The following TTC27 variants were observed in gnomAD, a reference collection of about 807,000 sequenced individuals.
TTC27 encodes tetratricopeptide repeat protein 27.
TTC27 carries 79 observed loss-of-function variants against 115.9 expected under a neutral mutation model. That is an observed-to-expected ratio of 0.68 (90% confidence interval 0.57 to 0.82). The LOEUF is 0.82. Ranked by LOEUF, TTC27 falls within the 40% of genes least tolerant of loss-of-function variation. TTC27 has a pLI of 0.00. For synonymous variants in TTC27, 401 were observed against 356.0 expected (o/e 1.13, Z -1.42); for missense variants, 1,054 against 993.1 (o/e 1.06, Z -0.82).
intron 10 of TTC27, among the ~76,000 whole-genome samples, chr2:32,733,625 A>G (rs1427550665): frequency 1.3e-5 from 2 of 152,222 alleles, no homozygotes; most frequent in Admixed American, 1.3e-4. Flanking sequence ...TTTAATGTAC[A>G]TGTTTATGTA....
intron 9 of TTC27, among the ~76,000 whole-genome samples, chr2:32,686,980 G>T (rs1666653923): frequency 6.6e-6 from 1 of 152,062 alleles, no homozygotes; most frequent in Non-Finnish European, 1.5e-5. Flanking sequence ...GAGTACCTGG[G>T]ATTACAGGCA....
chr2:32,630,222 A>G (rs528014691), intron 1 of TTC27, among the ~76,000 whole-genome samples: 178 of 152,338 alleles, frequency 1.2e-3, no homozygotes, highest in South Asian at 3.3e-3. Flanking sequence ...TATTGTCAGT[A>G]GGAATCTTTG....
chr2:32,809,437 C>G (rs539755183), intron 16 of TTC27, among the ~76,000 whole-genome samples: 1 of 152,346 alleles, frequency 6.6e-6, no homozygotes, highest in Admixed American at 6.5e-5. Context: ...AGCCTTGCTT[C>G]TCGAAGTGTG....
chr2:32,777,030 A>G (rs1002437063), intron 13 of TTC27, among the ~76,000 whole-genome samples: 3 of 152,092 alleles, frequency 2.0e-5, no homozygotes. Context: ...TGTTTTCTAA[A>G]TCTCAGTGTT....
chr2:32,698,762 G>T (rs1410884297), intron 9 of TTC27, among the ~76,000 whole-genome samples: 1 of 152,140 alleles, frequency 6.6e-6, no homozygotes, highest in Admixed American at 6.5e-5. Flanking sequence ...TTACAGGCGT[G>T]AGCCACTGCG....
intron 8 of TTC27, among the ~76,000 whole-genome samples, chr2:32,673,427 G>A (rs1359509681): frequency 3.3e-5 from 5 of 151,720 alleles, no homozygotes; most frequent in African/African-American, 7.3e-5. Flanking sequence ...GGGTTTCGCC[G>A]TGCTTTCCAG....
intron 7 of TTC27, among the ~76,000 whole-genome samples, chr2:32,667,475 G>A (rs1258591274): frequency 2.1e-5 from 3 of 145,846 alleles, no homozygotes; most frequent in Admixed American, 1.4e-4. Context: ...GGAGTGTAGT[G>A]GCGTAATCTC....
chr2:32,723,728 C>CTCCCTCCCTCCGTCCTTCCTTCCT lies in TTC27; in HGVS notation c.1234-10097_1234-10096insCTCCCTCCGTCCTTCCTTCCTTCC, dbSNP rs1454826952. 5.4e-3 allele frequency among the ~76,000 whole-genome samples: 159 copies of CTCCCTCCCTCCGTCCTTCCTTCCT among 29,530 alleles called. 14 individuals are homozygous for CTCCCTCCCTCCGTCCTTCCTTCCT. Among genetic ancestry groups the CTCCCTCCCTCCGTCCTTCCTTCCT allele is most frequent in the African/African-American group, 0.024 (142 of 5,838 alleles). 19.4% of individuals were successfully genotyped at this position (29,530 alleles called of 152,430 possible). ...CCTCCCTCCCTCCCTCCCTCCCTCC[C>CTCCCTCCCTCCGTCCTTCCTTCCT]TCCTTCCTTCCTTCCTTCCTTCCTT... On this transcript the variant is annotated intron_variant, in intron 10 of 19. Coordinates refer to ENST00000317907, the MANE Select transcript of TTC27 (RefSeq NM_017735.5).
At chr2:32,791,930 C>T (rs1480332118) in intron 16 of TTC27, among the ~76,000 whole-genome samples, 1 of 152,152 alleles carries the variant, frequency 6.6e-6, no homozygotes, top group Non-Finnish European at 1.5e-5. Flanking sequence ...ATAATTTTAA[C>T]TACATGTATT....
chr2:32,680,439 T>C (rs1666379139), intron 9 of TTC27, among the ~76,000 whole-genome samples: 1 of 152,182 alleles, frequency 6.6e-6, no homozygotes, highest in South Asian at 2.1e-4. Context: ...GAGAACCAGC[T>C]ATTTCACAGA....
At chr2:32,648,427 G>C (rs1346396010) in intron 4 of TTC27, among the ~76,000 whole-genome samples, 1 of 140,322 alleles carries the variant, frequency 7.1e-6, no homozygotes, top group Non-Finnish European at 1.5e-5. Flanking sequence ...ACTGCACCTG[G>C]CACCCCCCCT....
intron 9 of TTC27, among the ~76,000 whole-genome samples, chr2:32,684,737 A>G (rs950260957): frequency 1.3e-5 from 2 of 152,122 alleles, no homozygotes; most frequent in South Asian, 4.1e-4. Flanking sequence ...GATAGGCAAT[A>G]TAACTATTAG....
chr2:32,709,212 G>C (rs1667490107), intron 10 of TTC27, among the ~76,000 whole-genome samples: 1 of 152,122 alleles, frequency 6.6e-6, no homozygotes, highest in Admixed American at 6.5e-5. Context: ...CCCTCCAAGA[G>C]GTAGAGATTA....
chr2:32,739,294 A>G (rs989264474), intron 12 of TTC27, among the ~76,000 whole-genome samples: 2 of 152,196 alleles, frequency 1.3e-5, no homozygotes, highest in Non-Finnish European at 2.9e-5. Context: ...TGAAATAATA[A>G]TATTTGAAAT....
In TTC27 at chr2:32,640,016, C is replaced by CAAAAACA. The variant is rs1180574256; in HGVS notation, c.397-250_397-244dup. On this transcript the variant is annotated intron_variant, in intron 3 of 19. Transcript: ENST00000317907. Reference sequence around the variant, plus strand: ...TCCCATCTCAAAACAAAAACAAAAACAAAAACAAAACACCAAAAACCCAAA... The same window carrying CAAAAACA: ...TCCCATCTCAAAACAAAAACAAAAACAAAAACAAAAAACAAAACACCAAAAACCCAAA... Among the ~76,000 whole-genome samples the CAAAAACA allele has an allele frequency of 2.0e-5, 3 of 151,966 alleles. No individual in the cohort carries two copies. The East Asian group carries it at 5.8e-4, about 29-fold the overall frequency.
At chr2:32,747,813 G>A (rs1668879916) in intron 12 of TTC27, among the ~76,000 whole-genome samples, 1 of 152,082 alleles carries the variant, frequency 6.6e-6, no homozygotes, top group Admixed American at 6.5e-5. Context: ...GGATACCTGG[G>A]GAGTATAGTA....
chr2:32,766,911 G>A (rs558557031), intron 13 of TTC27, among the ~76,000 whole-genome samples: 1 of 152,164 alleles, frequency 6.6e-6, no homozygotes, highest in East Asian at 1.9e-4. Flanking sequence ...TCAGCCACCT[G>A]AGAAGCTGGG....
At position 32,763,446 on chromosome 2, in the gene TTC27, G is replaced by A. The variant is rs114843258; in HGVS notation, c.1680+4927G>A. Among the ~76,000 whole-genome samples, 469 of 152,302 alleles carry A rather than the reference G, an allele frequency of 3.1e-3. 3 individuals carry two copies. Among genetic ancestry groups the A allele is most frequent in the Middle Eastern group, 0.017 (5 of 294 alleles). ...AACAAAATTTAGGCAAACCAAAGTG[G>A]TATTTGAATGGCTTCTGCACCTCTT... On this transcript the variant is annotated intron_variant, in intron 13 of 19. Transcript: ENST00000317907.
chr2:32,631,115 C>A (rs989499081), intron 2 of TTC27, among the ~76,000 whole-genome samples: 9 of 152,086 alleles, frequency 5.9e-5, no homozygotes, highest in African/African-American at 2.2e-4. Flanking sequence ...ACCAGCCTGG[C>A]AAACATGGTG....
Sources: allele counts gnomAD v4.1 joint callset (sites outside exome capture counted in the v4.1 genomes callset), GRCh38; gene constraint gnomAD v4.1.1; transcripts MANE v1.5; gene names NCBI Gene and HGNC (gene_info 2026-07-23, HGNC 2026-07-21).